The following PCDHA7 variants were observed in gnomAD, a reference collection of about 807,000 sequenced individuals.
PCDHA7 encodes the protein protocadherin alpha 7, also known as protocadherin alpha-7.
PCDHA7 carries 37 observed loss-of-function variants against 57.2 expected under a neutral mutation model. That is an observed-to-expected ratio of 0.65 (90% CI 0.50 to 0.85). The LOEUF is 0.85. PCDHA7 is among the 40% of genes least tolerant of loss of function. PCDHA7 has a pLI of 0.00. For missense variants in PCDHA7, 1,188 were observed against 1,241.8 expected (o/e 0.96, Z 0.65); for synonymous variants, 553 against 558.8 (o/e 0.99, Z 0.15).
chr5:140,871,326 C>T (rs2052980774), intron 1 of PCDHA7: 1 of 1,613,978 alleles, frequency 6.2e-7, no homozygotes, highest in African/African-American at 1.3e-5. Context: ...TGGTGTGCTC[C>T]CGCGCGGTGG....
At chr5:140,879,099 A>G (rs1255546668) in intron 1 of PCDHA7, among the ~76,000 whole-genome samples, 1 of 152,242 alleles carries the variant, frequency 6.6e-6, no homozygotes, top group Non-Finnish European at 1.5e-5. Flanking sequence ...ACTGCACAGT[A>G]TATGGTGTAA....
Position 140,835,427 on chromosome 5 carries a change from A to G in PCDHA7, c.1044A>G (p.Pro348=), listed in dbSNP as rs2150235532. ...VEVVDVNDNA[P]QLTLTSLSLP... is the part of the protein sequence containing the mutation. The stretch of plus-strand genomic sequence containing the variant: ...TTGTGGATGTAAATGACAATGCTCC[A>G]CAGTTGACTCTCACTTCCCTGTCTC... The change falls in exon 1 of 4, where the codon CCA becomes CCG. Residue 348 remains proline (P), a synonymous_variant. Transcript: ENST00000525929. The G allele has an allele frequency of 7.4e-6, 12 of 1,613,812 alleles. No homozygotes were observed. In the Admixed American group the frequency reaches 1.5e-4, roughly 20 times the overall value.
chr5:140,861,154 CA>C lies in PCDHA7; in HGVS notation c.2355+24420del, dbSNP rs782409708. On this transcript the variant is annotated intron_variant, in intron 1 of 3. Coordinates refer to ENST00000525929, the MANE Select transcript of PCDHA7 (RefSeq NM_018910.3). ...CACTTGGAACCTCAGGAACAAGGAC[CA>C]AAAGGTCTCAGAGGAACTAAGTCTT... The C allele has an allele frequency of 5.8e-4, 90 of 154,832 alleles. 1 individual carries two copies. The highest frequency in any genetic ancestry group is 1.2e-3 in the Non-Finnish European group (81 of 69,986). 9.6% of individuals were successfully genotyped at this position (154,832 alleles called of 1,614,324 possible). A position where few individuals can be genotyped will look rare whatever the true frequency, so the allele number is the denominator to read the frequency against.
At chr5:140,868,887 GGC>G in intron 1 of PCDHA7, 1 of 740,170 alleles carries the variant, frequency 1.4e-6, no homozygotes, top group Non-Finnish European at 2.1e-6. Context: ...CACAGTTTTA[GGC>G]GCAAGGTGTC....
intron 3 of PCDHA7, among the ~76,000 whole-genome samples, chr5:140,985,189 G>A (rs1440212716): frequency 3.3e-5 from 5 of 152,004 alleles, no homozygotes; most frequent in African/African-American, 9.7e-5. Context: ...CGCCTGCCTC[G>A]GTCTCCCAAA....
In PCDHA7 at chr5:140,834,765, G is replaced by C. The variant is rs2150225893; in HGVS notation, c.382G>C (p.Asp128His). 7 of 1,614,098 alleles carry C rather than the reference G, an allele frequency of 4.3e-6. No homozygotes were observed. The highest frequency in any genetic ancestry group is 5.9e-6 in the Non-Finnish European group (7 of 1,180,028). Residue 128 changes from aspartate to histidine, a missense_variant, in exon 1 of 4, where the codon GAC becomes CAC. By Grantham distance (81) the Asp-to-His change is moderately conservative. Transcript: ENST00000525929. ...HVDVEVKDIN[D>H]NPPVFPATQR... The stretch of plus-strand genomic sequence containing the variant: ...GGACGTGGAGGTGAAGGACATTAAC[G>C]ACAACCCTCCGGTGTTCCCAGCGAC...
intron 1 of PCDHA7, among the ~76,000 whole-genome samples, chr5:140,963,607 G>A (rs558578531): frequency 2.0e-5 from 3 of 152,306 alleles, no homozygotes; most frequent in Non-Finnish European, 4.4e-5. Context: ...GACGTAATTG[G>A]GAAAGCTTAA....
intron 1 of PCDHA7, among the ~76,000 whole-genome samples, chr5:140,925,394 C>T (rs782536310): frequency 1.3e-5 from 2 of 151,950 alleles, no homozygotes; most frequent in East Asian, 1.9e-4. Context: ...CCTTTTGGCT[C>T]GCCTCCTTCT....
Position 140,956,847 on chromosome 5 carries a change from T to G in PCDHA7, c.2356-22102T>G, listed in dbSNP as rs138847680. Among the ~76,000 whole-genome samples the G allele has an allele frequency of 1.6e-4, 24 of 152,262 alleles. 1 individual carries two copies. The East Asian group carries it at 4.6e-3, about 29-fold the overall frequency. ...AATTTAATATTTTTAAATCTTGGGT[T>G]AAATGGTTGAATGAATGTGTGAAAA... On this transcript the variant is annotated intron_variant, in intron 1 of 3. Transcript: ENST00000525929.
intron 2 of PCDHA7, among the ~76,000 whole-genome samples, chr5:140,979,725 G>A (rs2096861699): frequency 6.6e-6 from 1 of 152,136 alleles, no homozygotes; most frequent in South Asian, 2.1e-4. Context: ...CCATGCCATG[G>A]GGCCAAATAA....
At chr5:140,979,386 A>C (rs1374804536) in intron 2 of PCDHA7, among the ~76,000 whole-genome samples, 1 of 152,142 alleles carries the variant, frequency 6.6e-6, no homozygotes, top group East Asian at 1.9e-4. Flanking sequence ...TGTGCAATGT[A>C]TACATACATG....
At chr5:140,905,408 C>G (rs1374273315) in intron 1 of PCDHA7, among the ~76,000 whole-genome samples, 1 of 152,142 alleles carries the variant, frequency 6.6e-6, no homozygotes, top group Non-Finnish European at 1.5e-5. Flanking sequence ...TATTTTTATA[C>G]CAGTACCATG....
Position 140,857,830 on chromosome 5 carries a change from C to T in PCDHA7, c.2355+21092C>T, listed in dbSNP as rs782060681. ...CGGGTCACGTGGTGGCTAAGGTGCG[C>T]GCAGTGGACGCTGACTCTGGATACA... On this transcript the variant is annotated intron_variant, in intron 1 of 3. Coordinates refer to ENST00000525929, the MANE Select transcript of PCDHA7 (RefSeq NM_018910.3). The T allele has an allele frequency of 3.1e-6, 5 of 1,597,596 alleles. 1 individual carries two copies. Among genetic ancestry groups the T allele is most frequent in the African/African-American group, 2.7e-5 (2 of 74,244 alleles).
chr5:140,901,815 A>T (rs1339282567), intron 1 of PCDHA7, among the ~76,000 whole-genome samples: 1 of 152,122 alleles, frequency 6.6e-6, no homozygotes, highest in African/African-American at 2.4e-5. Context: ...TACAATATTG[A>T]TTCTTCCAGT....
intron 1 of PCDHA7, chr5:140,882,107 A>C: frequency 7.3e-7 from 1 of 1,367,220 alleles, no homozygotes; most frequent in Non-Finnish European, 9.8e-7. Flanking sequence ...TTCCGCGAAG[A>C]AAGCCGCCGT....
At chr5:140,876,705 C>A (rs369536692) in intron 1 of PCDHA7, 2 of 1,614,122 alleles carry the variant, frequency 1.2e-6, no homozygotes, top group Non-Finnish European at 1.7e-6. Context: ...TGCTGGACAG[C>A]GCCCTGGACC....
chr5:140,855,629 G>A (rs914411692), intron 1 of PCDHA7, among the ~76,000 whole-genome samples: 2 of 149,486 alleles, frequency 1.3e-5, no homozygotes, highest in Non-Finnish European at 3.0e-5. Flanking sequence ...TTTGAAATTC[G>A]GCTATTGATA....
At chr5:140,884,637 A>G in intron 1 of PCDHA7, 2 of 1,610,636 alleles carry the variant, frequency 1.2e-6, no homozygotes, top group Non-Finnish European at 1.7e-6. Flanking sequence ...GGCCAGAGGG[A>G]GGAGGACTCA....
rs112292443 is a variant in PCDHA7 at position 140,899,661 on chromosome 5, C to T, written c.2355+62923C>T. Among the ~76,000 whole-genome samples the T allele has an allele frequency of 4.4e-3, 665 of 152,224 alleles. 7 individuals carry two copies. Among genetic ancestry groups the T allele is most frequent in the African/African-American group, 0.015 (620 of 41,530 alleles). ...ATTCTCTTATTTGGTTGTGTCTCTGCCCGGCTTTGGTATCAGGATGATGCT... is the reference window on the plus strand; with the variant it reads ...ATTCTCTTATTTGGTTGTGTCTCTGTCCGGCTTTGGTATCAGGATGATGCT... On this transcript the variant is annotated intron_variant, in intron 1 of 3. Transcript: ENST00000525929.
Sources: gnomAD v4.1 joint callset for allele counts (sites outside exome capture counted in the v4.1 genomes callset) on GRCh38, gnomAD v4.1.1 for gene constraint, MANE v1.5 for transcripts, NCBI Gene and HGNC (gene_info 2026-07-23, HGNC 2026-07-21) for gene names.